The following BEST3 variants were observed in gnomAD, a reference collection of about 807,000 sequenced individuals.
BEST3 encodes bestrophin-3.
A neutral mutation model predicts 47.1 loss-of-function variants in BEST3; 50 were observed. The ratio of observed to expected loss-of-function variants is 1.06; its 90% CI spans 0.85 to 1.34. The LOEUF (loss-of-function observed/expected upper bound fraction) is 1.34, where lower values mean the gene tolerates loss of function less well. BEST3 is among the 40% of genes most tolerant of loss of function. The pLI, the probability that BEST3 is intolerant of heterozygous loss-of-function variation, is 0.00. For synonymous variants in BEST3, 282 were observed against 298.8 expected (o/e 0.94, Z 0.58); for missense variants, 765 against 817.0 (o/e 0.94, Z 0.78).
In BEST3 at chr12:69,654,802, T is replaced by C; in HGVS notation, c.*105A>G. 6.8e-7 allele frequency: 1 copy of C among 1,478,932 alleles called. No individual in the cohort carries two copies. The highest frequency in any genetic ancestry group is 9.0e-7 in the Non-Finnish European group (1 of 1,114,740). 91.6% of individuals were successfully genotyped at this position (1,478,932 alleles called of 1,614,324 possible). On this transcript the variant is annotated 3_prime_UTR_variant, in exon 10 of 10. Transcript: ENST00000330891. ...AAGTAGCTTATACAGTGTGATCATGTTTTTTAAAAAGTCGACCAGCCTTCA... is the reference window on the plus strand; with the variant it reads ...AAGTAGCTTATACAGTGTGATCATGCTTTTTAAAAAGTCGACCAGCCTTCA...
At chr12:69,688,008 A>G (rs1032303069) in intron 4 of BEST3, among the ~76,000 whole-genome samples, 1 of 152,234 alleles carries the variant, frequency 6.6e-6, no homozygotes, top group Non-Finnish European at 1.5e-5. Flanking sequence ...GCAAAGGCGT[A>G]ATAGTTCTAG....
intron 4 of BEST3, among the ~76,000 whole-genome samples, chr12:69,680,310 C>CTTCTTCTTTTTTTTTTTTT (rs763385722): frequency 1.1e-5 from 1 of 95,032 alleles, no homozygotes; most frequent in South Asian, 3.7e-4. Flanking sequence ...TACACTTGAT[C>CTTCTTCTTTTTTTTTTTTT]TTTTTTTTTT....
intron 2 of BEST3, among the ~76,000 whole-genome samples, chr12:69,694,687 GATTA>G (rs1218654061): frequency 6.6e-6 from 1 of 152,046 alleles, no homozygotes; most frequent in South Asian, 2.1e-4. Context: ...TAAATAGTGG[GATTA>G]ATTAATCATT....
intron 4 of BEST3, among the ~76,000 whole-genome samples, chr12:69,684,988 T>TCTATTCTATC (rs1885484502): frequency 2.1e-5 from 3 of 141,242 alleles, no homozygotes; most frequent in African/African-American, 8.4e-5. Context: ...GCTGTTCTAT[T>TCTATTCTATC]CTATTCTATT....
chr12:69,694,043 C>T lies in BEST3; in HGVS notation c.248-136G>A, dbSNP rs181013840. 2.9e-3 allele frequency: 2,055 copies of T among 705,414 alleles called. 7 individuals are homozygous for T. The highest frequency in any genetic ancestry group is 7.4e-3 in the Middle Eastern group (19 of 2,578). The allele number at this position is 705,414 out of a possible 1,614,324, so 43.7% of individuals were successfully genotyped here. ...TTATTATCCATATCTTCTGATTTTG[C>T]CTTCCAGAAAAAAAATGTCATTTGT... On this transcript the variant is annotated intron_variant, in intron 3 of 9. Transcript: ENST00000330891.
intron 4 of BEST3, chr12:69,684,712 T>TC (rs1304256591): frequency 2.1e-6 from 1 of 477,280 alleles, no homozygotes; most frequent in Non-Finnish European, 4.0e-6. Flanking sequence ...CTCTGTGTTT[T>TC]CCAAATGAAT....
chr12:69,670,551 A>C (rs1884502908), intron 9 of BEST3: 1 of 702,744 alleles, frequency 1.4e-6, no homozygotes, highest in African/African-American at 1.7e-5. Context: ...GACATTCGGC[A>C]AAGGGAACAG....
At chr12:69,680,397 C>T (rs1885186071) in intron 4 of BEST3, among the ~76,000 whole-genome samples, 1 of 148,436 alleles carries the variant, frequency 6.7e-6, no homozygotes, top group Admixed American at 6.8e-5. Context: ...CAAGCTCTGC[C>T]TCCAGGGTTC....
At chr12:69,659,670 A>C (rs1192815991) in intron 9 of BEST3, among the ~76,000 whole-genome samples, 1 of 151,294 alleles carries the variant, frequency 6.6e-6, no homozygotes, top group Admixed American at 6.6e-5. Context: ...AGTTTGAAAG[A>C]GTATTTCCCA....
intron 4 of BEST3, among the ~76,000 whole-genome samples, chr12:69,680,054 C>T (rs940401686): frequency 4.6e-5 from 7 of 152,038 alleles, no homozygotes; most frequent in Non-Finnish European, 4.4e-5. Flanking sequence ...AGATGATGAA[C>T]ATGTGTCAAG....
At chr12:69,684,696 T>G in intron 4 of BEST3, 1 of 510,288 alleles carries the variant, frequency 2.0e-6, no homozygotes, top group East Asian at 3.1e-5. Context: ...CCTGGCTTGT[T>G]TTTATCTCTG....
Position 69,655,373 on chromosome 12 carries a change from G to A in BEST3, c.1541C>T (p.Thr514Ile), listed in dbSNP as rs1271509705. The change falls in exon 10 of 10, where the codon ACA (threonine) becomes ATA (isoleucine). Residue 514 changes from threonine (T) to isoleucine (I), a missense_variant. Transcript: ENST00000330891. Reference sequence around the variant, plus strand: ...GGAATCATGGTGGTAGCCCCCTGATGTGGGCACTGGTGCTTCGGCTGCTGT... The same window carrying A: ...GGAATCATGGTGGTAGCCCCCTGATATGGGCACTGGTGCTTCGGCTGCTGT... ...LITAAEAPVPTSGGYHHDSAT... is the reference protein window; with the variant it reads ...LITAAEAPVPISGGYHHDSAT... 6.2e-7 allele frequency: 1 copy of A among 1,614,168 alleles called. No homozygotes were observed. The highest frequency in any genetic ancestry group is 2.2e-5 in the East Asian group (1 of 44,874).
intron 5 of BEST3, among the ~76,000 whole-genome samples, chr12:69,678,517 G>C (rs1885054921): frequency 6.6e-6 from 1 of 152,110 alleles, no homozygotes; most frequent in African/African-American, 2.4e-5. Flanking sequence ...GCATGATTCT[G>C]TTTAAAACGC....
chr12:69,643,934 A>G, intron 9 of BEST3: 1 of 493,122 alleles, frequency 2.0e-6, no homozygotes, highest in East Asian at 3.3e-5. Flanking sequence ...ATGGTCCCAG[A>G]ACCTAAAAAC....
intron 7 of BEST3, among the ~76,000 whole-genome samples, chr12:69,676,021 C>T (rs969795079): frequency 1.3e-5 from 2 of 152,074 alleles, no homozygotes; most frequent in Non-Finnish European, 2.9e-5. Context: ...ACATACTTCC[C>T]ATTTGGAAGT....
At chr12:69,653,150 G>A (rs1234237320), downstream of BEST3, among the ~76,000 whole-genome samples, 1 of 152,154 alleles carries the variant, frequency 6.6e-6, no homozygotes, top group Non-Finnish European at 1.5e-5. Flanking sequence ...GGGAAGGAGG[G>A]TCCTGCCAAC....
rs556579520 is a variant in BEST3 at position 69,644,362 on chromosome 12, T to TA, written c.1101-576dup. Among the ~76,000 whole-genome samples the TA allele has an allele frequency of 2.0e-5, 3 of 152,342 alleles. No homozygotes were observed. In the East Asian group the frequency reaches 5.8e-4, roughly 29 times the overall value. ...ATGTGCTAAGTAATTGTTATAACTT[T>TA]AAAAAAATTTCTTTTAGCATAATTT... On this transcript the variant is annotated intron_variant, in intron 9 of 9. Transcript: ENST00000331471.
intron 4 of BEST3, among the ~76,000 whole-genome samples, chr12:69,692,118 C>T (rs1354668757): frequency 1.3e-5 from 2 of 152,186 alleles, no homozygotes; most frequent in East Asian, 3.8e-4. Context: ...ACATTCATCT[C>T]TACAGTTTTA....
intron 9 of BEST3, chr12:69,669,569 A>G (rs1011301599): frequency 3.9e-5 from 6 of 152,246 alleles, no homozygotes; most frequent in African/African-American, 1.4e-4. Flanking sequence ...TATGAAGAAT[A>G]GCTTAAAGTG....
Sources: gnomAD v4.1 joint callset for allele counts (sites outside exome capture counted in the v4.1 genomes callset) on GRCh38, gnomAD v4.1.1 for gene constraint, MANE v1.5 for transcripts, NCBI Gene and HGNC (gene_info 2026-07-23, HGNC 2026-07-21) for gene names.